The following EPM2A variants were observed in gnomAD, a reference collection of about 807,000 sequenced individuals.
EPM2A encodes the protein laforin.
EPM2A carries 21 observed loss-of-function variants against 26.5 expected under a neutral mutation model. That is an observed-to-expected ratio of 0.79 (90% CI 0.56 to 1.14). The LOEUF (loss-of-function observed/expected upper bound fraction) is 1.14. EPM2A is among the 50% of genes most tolerant of loss of function. EPM2A has a pLI of 0.00. For synonymous variants in EPM2A, 217 were observed against 177.6 expected, an observed-to-expected ratio of 1.22 and a Z score of -1.76; for missense variants, 458 against 440.8, an observed-to-expected ratio of 1.04 and a Z score of -0.35.
At chr6:145,434,929 G>C (rs1381685346) in intron 4 of EPM2A, among the ~76,000 whole-genome samples, 6 of 152,064 alleles carry the variant, frequency 3.9e-5, no homozygotes, top group Non-Finnish European at 8.8e-5. Context: ...CTGTCCTCAA[G>C]ATAATAAGTT....
In EPM2A at chr6:145,615,839, T is replaced by C. The variant is rs191346083; in HGVS notation, c.340+19406A>G. Among the ~76,000 whole-genome samples the C allele has an allele frequency of 4.9e-3, 650 of 133,856 alleles. 5 individuals are homozygous for C. Among genetic ancestry groups the C allele is most frequent in the African/African-American group, 0.014 (561 of 38,830 alleles). The allele number at this position is 133,856 out of a possible 152,430, so 87.8% of individuals were successfully genotyped here. On this transcript the variant is annotated intron_variant, in intron 2 of 3. Transcript: ENST00000450221. ...AACTTTGAACTTGACAGAGATGATT[T>C]AGGGTATCTGGCAGAAGAAATTTCT...
chr6:145,662,783 G>A (rs1179839391), intron 2 of EPM2A, among the ~76,000 whole-genome samples: 1 of 152,152 alleles, frequency 6.6e-6, no homozygotes, highest in Admixed American at 6.5e-5. Flanking sequence ...CAAGGATGGG[G>A]TTCTTGCTAA....
intron 2 of EPM2A, among the ~76,000 whole-genome samples, chr6:145,514,831 T>C (rs1215078876): frequency 1.3e-5 from 2 of 152,214 alleles, no homozygotes; most frequent in African/African-American, 4.8e-5. Flanking sequence ...GAAATCCTAA[T>C]ATAAAGAAAT....
intron 4 of EPM2A, among the ~76,000 whole-genome samples, chr6:145,444,540 T>A (rs1392935169): frequency 6.6e-6 from 1 of 152,202 alleles, no homozygotes; most frequent in Non-Finnish European, 1.5e-5. Context: ...TCCTGAAGTT[T>A]TCTTGTTTTT....
At chr6:145,635,620 T>C (rs1178380194) in intron 2 of EPM2A, 134 bp from the exon 3 acceptor site, 1 of 835,672 alleles carries the variant, frequency 1.2e-6, no homozygotes, top group Non-Finnish European at 2.0e-6. Context: ...TATTTTAGAA[T>C]ATGAACACCA....
chr6:145,708,302 A>G (rs991028118), intron 1 of EPM2A, among the ~76,000 whole-genome samples: 2 of 152,220 alleles, frequency 1.3e-5, no homozygotes, highest in Admixed American at 1.3e-4. Flanking sequence ...GCCAAAGGTT[A>G]ATCACCAAGA....
In EPM2A at chr6:145,534,613, G is replaced by A. The variant is rs535384780; in HGVS notation, c.341-32038C>T. ...TGCAAGCACGGGGGCCAGGTCCTCT[G>A]CAGCTGCAGGAAATTGGCTCACTTT... On this transcript the variant is annotated intron_variant, in intron 2 of 3. Coordinates refer to the EPM2A transcript ENST00000450221. 2.0e-5 allele frequency among the ~76,000 whole-genome samples: 3 copies of A among 152,366 alleles called. No homozygotes were observed. The East Asian group carries it at 5.8e-4, about 29-fold the overall frequency.
intron 2 of EPM2A, among the ~76,000 whole-genome samples, chr6:145,503,577 C>A (rs1779926192): frequency 1.1e-5 from 1 of 87,186 alleles, no homozygotes. Flanking sequence ...CAAACCACTG[C>A]TCAAGGAAAT....
intron 2 of EPM2A, among the ~76,000 whole-genome samples, chr6:145,565,337 A>G (rs151295695): frequency 6.6e-6 from 1 of 152,312 alleles, no homozygotes; most frequent in African/African-American, 2.4e-5. Flanking sequence ...TCAGGCGCAA[A>G]TGAGAGGTTA....
chr6:145,572,776 C>A (rs149444823), intron 2 of EPM2A, among the ~76,000 whole-genome samples: 3,414 of 152,294 alleles, frequency 0.022, 46 homozygotes, highest in Admixed American at 0.031. Flanking sequence ...AGTGGCAGAG[C>A]AGCTTGCACA....
chr6:145,671,035 T>C (rs1247674883), intron 2 of EPM2A: 1 of 985,232 alleles, frequency 1.0e-6, no homozygotes, highest in Non-Finnish European at 1.2e-6. Flanking sequence ...GAAATGCTAA[T>C]TGAAATTAGT....
chr6:145,411,081 G>A (rs368287026), intron 4 of EPM2A, among the ~76,000 whole-genome samples: 9 of 152,262 alleles, frequency 5.9e-5, no homozygotes, highest in Admixed American at 5.2e-4. Flanking sequence ...ATATGAACTA[G>A]GGGGAGTCTG....
chr6:145,708,489 A>T (rs547368974), intron 1 of EPM2A, among the ~76,000 whole-genome samples: 1 of 152,304 alleles, frequency 6.6e-6, no homozygotes, highest in African/African-American at 2.4e-5. Flanking sequence ...TGGCTAAAAA[A>T]GGCCAAGGTA....
In EPM2A at chr6:145,584,179, G is replaced by A. The variant is rs189233965; in HGVS notation, c.340+51066C>T. Among the ~76,000 whole-genome samples the A allele has an allele frequency of 4.3e-3, 655 of 152,340 alleles. 5 individuals carry two copies. The highest frequency in any genetic ancestry group is 0.014 in the African/African-American group (566 of 41,578). ...AGTGCATTAAGCAAAGTGTCAGGGG[G>A]AGGTTGAAGTGGAGTGGGGAAGGCT... On this transcript the variant is annotated intron_variant, in intron 2 of 3. Transcript: ENST00000450221.
At position 145,735,369 on chromosome 6, in the gene EPM2A, C is replaced by A; in HGVS notation, c.130G>T (p.Gly44Cys). 2 of 1,009,036 alleles carry A rather than the reference C, an allele frequency of 2.0e-6. No individual in the cohort carries two copies. The highest frequency in any genetic ancestry group is 5.3e-5 in the Admixed American group (1 of 18,952). 62.5% of individuals were successfully genotyped at this position (1,009,036 alleles called of 1,614,324 possible). A position where few individuals can be genotyped will look rare whatever the true frequency, so the allele number is the denominator to read the frequency against. ...AGGGCCCCGTCGCCCGCCGCGGTGC[C>A]GGCCGGCCTCAGGCGGACGGCACCG... is the stretch of plus-strand genomic sequence containing the variant. Reference protein sequence around the residue: ...PRGAVRLRPAGTAAGDGALAL... With the variant: ...PRGAVRLRPACTAAGDGALAL... Residue 44 changes from glycine to cysteine, a missense_variant, in exon 1 of 4, where the codon GGC (glycine) becomes TGC (cysteine). Coordinates refer to ENST00000367519, the MANE Select transcript of EPM2A (RefSeq NM_005670.4).
At chr6:145,518,269 G>A (rs572049591) in intron 2 of EPM2A, among the ~76,000 whole-genome samples, 1 of 152,272 alleles carries the variant, frequency 6.6e-6, no homozygotes, top group East Asian at 1.9e-4. Context: ...AGCGAGAAAA[G>A]TTTGATTTCA....
At chr6:145,500,402 C>T (rs1779874171), downstream of EPM2A, among the ~76,000 whole-genome samples, 1 of 152,186 alleles carries the variant, frequency 6.6e-6, no homozygotes, top group African/African-American at 2.4e-5. Flanking sequence ...TACCTTCAGC[C>T]TCACAATCTA....
chr6:145,564,497 C>G (rs1780852395), intron 2 of EPM2A, among the ~76,000 whole-genome samples: 1 of 152,174 alleles, frequency 6.6e-6, no homozygotes, highest in Admixed American at 6.5e-5. Context: ...ACCTGACTGG[C>G]TATAGCTAGG....
intron 2 of EPM2A, among the ~76,000 whole-genome samples, chr6:145,522,094 A>G (rs1325182367): frequency 6.6e-6 from 1 of 152,110 alleles, no homozygotes; most frequent in African/African-American, 2.4e-5. Flanking sequence ...CTGGGACTAC[A>G]GGCACCCATC....
Sources: allele counts gnomAD v4.1 joint callset (sites outside exome capture counted in the v4.1 genomes callset), GRCh38; gene constraint gnomAD v4.1.1; transcripts MANE v1.5; gene names NCBI Gene and HGNC (gene_info 2026-07-23, HGNC 2026-07-21).